Variants in SLC35D4 observed in about 807,000 individuals in gnomAD.
The protein encoded by SLC35D4 is UDP-N-acetylglucosamine transporter SLC35D4.
At chr18:23,270,460 G>A in the SLC35D4 span, among the ~76,000 whole-genome samples, 6 of 152,204 alleles carry the variant, frequency 3.9e-5, no homozygotes, top group Non-Finnish European at 8.8e-5. Flanking sequence ...CCCACACAGA[G>A]TCCCCACTGG....
chr18:23,338,730 G>A, the SLC35D4 span, among the ~76,000 whole-genome samples: 1 of 152,010 alleles, frequency 6.6e-6, no homozygotes, highest in African/African-American at 2.4e-5. Context: ...TTTGCAATAT[G>A]TCCCCCCGGG....
the SLC35D4 span, chr18:23,370,309 G>T: frequency 6.3e-7 from 1 of 1,597,712 alleles, no homozygotes. Flanking sequence ...TCTGCTCAAG[G>T]AGCTGCTGGC....
the SLC35D4 span, among the ~76,000 whole-genome samples, chr18:23,313,123 T>C: frequency 4.2e-5 from 1 of 23,916 alleles, no homozygotes; most frequent in Non-Finnish European, 1.0e-4. Context: ...CGAGACTACA[T>C]CTCAAAAAAA....
chr18:23,358,238 G>A, the SLC35D4 span, among the ~76,000 whole-genome samples: 5 of 152,292 alleles, frequency 3.3e-5, no homozygotes, highest in East Asian at 5.8e-4. Flanking sequence ...GTGATAATGA[G>A]GAACGGCGGA....
At chr18:23,248,554 G>A in the SLC35D4 span, among the ~76,000 whole-genome samples, 5 of 128,862 alleles carry the variant, frequency 3.9e-5, no homozygotes, top group South Asian at 2.4e-4. Flanking sequence ...AAGGCTGGAC[G>A]TGGTGGCTCA....
chr18:23,258,528 T>G, the SLC35D4 span: 1 of 152,192 alleles, frequency 6.6e-6, no homozygotes, highest in Non-Finnish European at 1.5e-5. Flanking sequence ...TGGGACAGTC[T>G]GTATGAGGCA....
chr18:23,274,592 T>C, the SLC35D4 span, among the ~76,000 whole-genome samples: 1 of 152,238 alleles, frequency 6.6e-6, no homozygotes, highest in South Asian at 2.1e-4. Flanking sequence ...GGGTCCATCC[T>C]CTCCCTGCCC....
chr18:23,281,397 A>G, the SLC35D4 span, among the ~76,000 whole-genome samples: 1 of 152,142 alleles, frequency 6.6e-6, no homozygotes, highest in African/African-American at 2.4e-5. Flanking sequence ...AACAGAGCTC[A>G]CTGCAGCCTT....
At chr18:23,315,546 A>G in the SLC35D4 span, among the ~76,000 whole-genome samples, 51 of 152,262 alleles carry the variant, frequency 3.3e-4, no homozygotes, top group Non-Finnish European at 5.6e-4. Flanking sequence ...AGGGCCTGAT[A>G]ACAGTTTCTG....
chr18:23,266,877 C>G, the SLC35D4 span, among the ~76,000 whole-genome samples: 137 of 152,370 alleles, frequency 9.0e-4, no homozygotes, highest in African/African-American at 3.1e-3. Context: ...TCTCCTCCCC[C>G]AGAGAGGCTC....
At chr18:23,256,121 G>A in the SLC35D4 span, among the ~76,000 whole-genome samples, 1 of 152,202 alleles carries the variant, frequency 6.6e-6, no homozygotes, top group Non-Finnish European at 1.5e-5. Flanking sequence ...TCTCATCCCA[G>A]TTATGATCTG....
the SLC35D4 span, among the ~76,000 whole-genome samples, chr18:23,320,628 A>G: frequency 6.6e-6 from 1 of 152,162 alleles, no homozygotes; most frequent in Non-Finnish European, 1.5e-5. Context: ...CTTTCCCTCT[A>G]ACAGGGTGAT....
chr18:23,305,439 C>A, the SLC35D4 span, among the ~76,000 whole-genome samples: 5 of 152,200 alleles, frequency 3.3e-5, no homozygotes, highest in African/African-American at 1.2e-4. Context: ...GGGTTTGAAA[C>A]CTGGTCCAAC....
At chr18:23,321,469 T>C in the SLC35D4 span, among the ~76,000 whole-genome samples, 8 of 152,150 alleles carry the variant, frequency 5.3e-5, no homozygotes, top group African/African-American at 1.9e-4. Context: ...GAGTCTTTTT[T>C]TTTTTGAGAC....
At chr18:23,355,492 G>A in the SLC35D4 span, among the ~76,000 whole-genome samples, 1 of 152,088 alleles carries the variant, frequency 6.6e-6, no homozygotes, top group Non-Finnish European at 1.5e-5. Context: ...CAATTGACAG[G>A]AACTACGAAA....
chr18:23,381,807 C>T, the SLC35D4 span, among the ~76,000 whole-genome samples: 4 of 152,244 alleles, frequency 2.6e-5, no homozygotes, highest in Non-Finnish European at 4.4e-5. Flanking sequence ...TTCTAACCCT[C>T]AGTCCTACCG....
chr18:23,281,124 A>G, the SLC35D4 span, among the ~76,000 whole-genome samples: 2 of 152,050 alleles, frequency 1.3e-5, no homozygotes, highest in Non-Finnish European at 2.9e-5. Flanking sequence ...AGGTCAGTGG[A>G]GGGGAGGAGG....
chr18:23,408,148 G>GAC, the SLC35D4 span, among the ~76,000 whole-genome samples: 541 of 136,314 alleles, frequency 4.0e-3, 1 homozygote, highest in African/African-American at 7.6e-3. Flanking sequence ...ACTGGCCTGA[G>GAC]ACACACACAC....
chr18:23,271,943 A>G, the SLC35D4 span, among the ~76,000 whole-genome samples: 20 of 152,048 alleles, frequency 1.3e-4, no homozygotes, highest in African/African-American at 3.4e-4. Context: ...ACTTTGCCCT[A>G]TGTATTTCTT....
Sources: gnomAD v4.1 joint callset for allele counts (sites outside exome capture counted in the v4.1 genomes callset) on GRCh38, gnomAD v4.1.1 for gene constraint, MANE v1.5 for transcripts, NCBI Gene and HGNC (gene_info 2026-07-23, HGNC 2026-07-21) for gene names.